The following GLS variants were observed in gnomAD, a reference collection of about 807,000 sequenced individuals.
GLS encodes the protein glutaminase.
Under a neutral mutation model 86.7 loss-of-function variants are expected in GLS, and 36 were observed. The observed-to-expected ratio is 0.42, with a 90% confidence interval of 0.32 to 0.55. The LOEUF (loss-of-function observed/expected upper bound fraction) is 0.55, where lower values mean the gene tolerates loss of function less well. Ranked by LOEUF, GLS falls within the 20% of genes least tolerant of loss-of-function variation. The probability of loss-of-function intolerance (pLI) is 0.17; values close to 1 mark genes in which losing one functional copy is unlikely to be tolerated. For missense variants in GLS, 528 were observed against 833.4 expected (o/e 0.63, Z 4.51); for synonymous variants, 317 against 305.9 (o/e 1.04, Z -0.38).
intron 1 of GLS, among the ~76,000 whole-genome samples, chr2:190,887,309 AC>A (rs1243587001): frequency 6.6e-6 from 1 of 152,178 alleles, no homozygotes; most frequent in Non-Finnish European, 1.5e-5. Context: ...GTGAGTCATC[AC>A]TGCACTTAGT....
intron 14 of GLS, chr2:190,934,132 C>T (rs1335672762): frequency 2.0e-6 from 2 of 982,554 alleles, no homozygotes; most frequent in African/African-American, 3.5e-5. Flanking sequence ...TTTGTTGAAA[C>T]CTGTTAATTT....
intron 6 of GLS, among the ~76,000 whole-genome samples, chr2:190,907,246 T>TG (rs1207877816): frequency 1.3e-5 from 2 of 149,734 alleles, no homozygotes; most frequent in Non-Finnish European, 3.0e-5. Context: ...AACAGTAGTT[T>TG]TTTTTTTTTT....
At chr2:190,902,174 G>A in intron 5 of GLS, 148 bp downstream of exon 5, 1 of 536,930 alleles carries the variant, frequency 1.9e-6, no homozygotes, top group Non-Finnish European at 3.3e-6. Context: ...AAATTTTAAT[G>A]TAATTTTTAA....
At chr2:190,908,056 A>G (rs1050300027) in intron 6 of GLS, among the ~76,000 whole-genome samples, 10 of 152,192 alleles carry the variant, frequency 6.6e-5, no homozygotes, top group African/African-American at 2.4e-4. Context: ...AGGGCACTGC[A>G]CATTTTTTCC....
intron 12 of GLS, among the ~76,000 whole-genome samples, chr2:190,927,948 A>G (rs1689953746): frequency 6.6e-6 from 1 of 152,162 alleles, no homozygotes; most frequent in African/African-American, 2.4e-5. Flanking sequence ...TGTAAAGTAT[A>G]TAGACTTTTT....
At position 190,954,399 on chromosome 2, in the gene GLS, G is replaced by T. The variant is rs1403212134; in HGVS notation, c.1713-185G>T. ...CCTAAAAAAAAGCAAAGCTGAGGAA[G>T]AGAGGTGAAGTGGCATCTACCCAAA... On this transcript the variant is annotated intron_variant, in intron 15 of 17. Coordinates refer to ENST00000320717, the MANE Select transcript of GLS (RefSeq NM_014905.5). This position sits in a 1 kb window ranked among gnomAD's most constrained non-coding sequence, Gnocchi z 4.0. 6.6e-6 allele frequency among the ~76,000 whole-genome samples: 1 copy of T among 152,188 alleles called. No individual in the cohort carries two copies. Among genetic ancestry groups the T allele is most frequent in the African/African-American group, 2.4e-5 (1 of 41,424 alleles).
chr2:190,930,092 G>A lies in GLS; in HGVS notation c.1426-345G>A, dbSNP rs573225990. 4.0e-5 allele frequency among the ~76,000 whole-genome samples: 6 copies of A among 148,940 alleles called. No homozygotes were observed. The East Asian group carries it at 9.9e-4, about 25-fold the overall frequency. ...TGTGTTTTTTTTTTTTTTGAAACTG[G>A]ATCTTGCTCTGTCATCCAGGCTGGA... On this transcript the variant is annotated intron_variant, in intron 12 of 17. Transcript: ENST00000320717. The surrounding 1 kb of genome is among the most constrained non-coding windows in gnomAD (Gnocchi z 5.0).
In GLS at chr2:190,951,175, A is replaced by G. The variant is rs1383933917; in HGVS notation, c.1651-2390A>G. On this transcript the variant is annotated intron_variant, in intron 14 of 17. Transcript: ENST00000320717. The surrounding 1 kb of genome is among the most constrained non-coding windows in gnomAD (Gnocchi z 4.2). ...GTGGAAAGTGGGTAATGAATCTGCA[A>G]AGCAGCAAACAGGAGGAAGATTAGG... 1.3e-5 allele frequency among the ~76,000 whole-genome samples: 2 copies of G among 152,154 alleles called. No homozygotes were observed. Among genetic ancestry groups the G allele is most frequent in the Non-Finnish European group, 2.9e-5 (2 of 68,040 alleles).
intron 14 of GLS, among the ~76,000 whole-genome samples, chr2:190,945,190 G>T (rs1558992252): frequency 6.6e-6 from 1 of 152,170 alleles, no homozygotes; most frequent in East Asian, 1.9e-4. Flanking sequence ...TTTAATAACA[G>T]AAATAACATT....
At chr2:190,915,692 C>T (rs974425635) in intron 7 of GLS, among the ~76,000 whole-genome samples, 1 of 152,150 alleles carries the variant, frequency 6.6e-6, no homozygotes, top group Admixed American at 6.5e-5. Flanking sequence ...AAAAGAAAGA[C>T]ATAGTCTCAT....
At chr2:190,933,881 G>A (rs1458668615) in intron 14 of GLS, 1 of 896,652 alleles carries the variant, frequency 1.1e-6, no homozygotes, top group East Asian at 1.2e-4. Context: ...CAGGTAGTAA[G>A]TATGCTACTA....
chr2:190,895,145 T>G lies in GLS; in HGVS notation c.387-7T>G, dbSNP rs1016533796. Reference sequence around the variant, plus strand: ...GGATTAATTTTGTGTTCTTTCTACCTCTTTAGTAAAATAAAACAGGGTCTG... The same window carrying G: ...GGATTAATTTTGTGTTCTTTCTACCGCTTTAGTAAAATAAAACAGGGTCTG... On this transcript the variant is annotated splice_polypyrimidine_tract_variant and splice_region_variant and intron_variant, in intron 1 of 17. Coordinates refer to ENST00000320717, the MANE Select transcript of GLS (RefSeq NM_014905.5). This position sits in a 1 kb window ranked among gnomAD's most constrained non-coding sequence, Gnocchi z 4.2. 8.0e-7 allele frequency: 1 copy of G among 1,256,220 alleles called. No individual in the cohort carries two copies. The allele number at this position is 1,256,220 out of a possible 1,614,324, so 77.8% of individuals were successfully genotyped here.
intron 11 of GLS, 85 bp from the exon 12 acceptor site, chr2:190,927,221 T>G: frequency 1.7e-5 from 17 of 1,004,486 alleles, no homozygotes; most frequent in South Asian, 3.5e-5. Flanking sequence ...CAGATCTGTA[T>G]GAAATACCAA....
At chr2:190,886,873 G>GC (rs1169882519) in intron 1 of GLS, among the ~76,000 whole-genome samples, 1 of 149,710 alleles carries the variant, frequency 6.7e-6, no homozygotes, top group Non-Finnish European at 1.5e-5. Context: ...CCGAGATCAT[G>GC]CCGCTGCACT....
intron 5 of GLS, among the ~76,000 whole-genome samples, chr2:190,903,180 C>T (rs1689008123): frequency 6.6e-6 from 1 of 152,132 alleles, no homozygotes; most frequent in African/African-American, 2.4e-5. Context: ...AAATCTGTGA[C>T]TCGTAAGGAC....
chr2:190,935,438 A>G lies in GLS; in HGVS notation c.1650+3801A>G, dbSNP rs116687357. ...TGTTTGCTATTCTGAAGCTGCCTCA[A>G]AGTAAACTAGAAATATTCAAAAGGG... On this transcript the variant is annotated intron_variant, in intron 14 of 17. Coordinates refer to ENST00000320717, the MANE Select transcript of GLS (RefSeq NM_014905.5). The surrounding 1 kb of genome is among the most constrained non-coding windows in gnomAD (Gnocchi z 4.2). 580 of 151,974 alleles carry G rather than the reference A, an allele frequency of 3.8e-3. 2 individuals carry two copies. The highest frequency in any genetic ancestry group is 6.0e-3 in the Non-Finnish European group (404 of 67,868). 9.4% of individuals were successfully genotyped at this position (151,974 alleles called of 1,614,324 possible).
chr2:190,906,106 G>A (rs1482173582), intron 6 of GLS, among the ~76,000 whole-genome samples: 1 of 151,960 alleles, frequency 6.6e-6, no homozygotes, highest in African/African-American at 2.4e-5. Context: ...TTTTTATTCT[G>A]ATGCTACGTT....
intron 5 of GLS, among the ~76,000 whole-genome samples, chr2:190,903,931 A>G (rs1689042184): frequency 6.6e-6 from 1 of 152,230 alleles, no homozygotes; most frequent in Non-Finnish European, 1.5e-5. Flanking sequence ...GGGAGGTATC[A>G]GTAAGTAAAT....
intron 14 of GLS, among the ~76,000 whole-genome samples, chr2:190,939,603 T>TAAA (rs889110416): frequency 2.0e-4 from 30 of 151,908 alleles, no homozygotes; most frequent in Middle Eastern, 3.4e-3. Context: ...CTGAACTTTT[T>TAAA]AGATCTAGAT....
Sources: gnomAD v4.1 joint callset for allele counts (sites outside exome capture counted in the v4.1 genomes callset) on GRCh38, gnomAD v4.1.1 for gene constraint, Gnocchi (gnomAD v3.1) non-coding constraint, MANE v1.5 for transcripts, NCBI Gene and HGNC (gene_info 2026-07-23, HGNC 2026-07-21) for gene names.